The following GDPD1 variants were observed in gnomAD, a reference collection of about 807,000 sequenced individuals.
The protein encoded by GDPD1 is lysophospholipase D GDPD1.
In GDPD1, 28 loss-of-function variants were observed where a neutral mutation model predicts 45.1. The ratio of observed to expected loss-of-function variants is 0.62; its 90% CI spans 0.46 to 0.85. The LOEUF is 0.85. GDPD1 is among the 40% of genes least tolerant of loss of function. GDPD1 has a pLI of 0.00. For missense variants in GDPD1, 256 were observed against 364.8 expected (o/e 0.70, Z 2.43); for synonymous variants, 139 against 131.4 (o/e 1.06, Z -0.40).
intron 2 of GDPD1, among the ~76,000 whole-genome samples, chr17:59,244,617 G>A (rs1272781413): frequency 2.0e-5 from 3 of 152,136 alleles, no homozygotes; most frequent in Non-Finnish European, 4.4e-5. Context: ...ACAGGTGTGA[G>A]CTACCGTGCC....
At chr17:59,248,829 A>G in intron 4 of GDPD1, 44 bp downstream of exon 4, 1 of 1,387,602 alleles carries the variant, frequency 7.2e-7, no homozygotes, top group Non-Finnish European at 1.0e-6. Flanking sequence ...GTTGAGAAGC[A>G]TATGTGTGTT....
intron 1 of GDPD1, among the ~76,000 whole-genome samples, chr17:59,221,698 T>C (rs1485718529): frequency 1.3e-5 from 2 of 152,186 alleles, no homozygotes; most frequent in Admixed American, 1.3e-4. Context: ...CTATGATGTA[T>C]AAAGTGCGGT....
intron 4 of GDPD1, among the ~76,000 whole-genome samples, chr17:59,252,754 C>G (rs555000263): frequency 6.7e-6 from 1 of 150,124 alleles, no homozygotes; most frequent in Admixed American, 6.7e-5. Flanking sequence ...AATCCTTACA[C>G]TTTGGGAGGT....
In GDPD1 at chr17:59,257,765, G is replaced by A; in HGVS notation, c.501G>A (p.Val167=). The change falls in exon 6 of 10, where the codon GTG becomes GTA. Residue 167 remains valine (V), a synonymous_variant. Coordinates refer to ENST00000284116, the MANE Select transcript of GDPD1 (RefSeq NM_182569.4). ...TTCACACGTAGGTTTCAGAGTTGGT[G>A]AAGCGGTATAATCGAGAACACTTAA... The part of the protein sequence containing the change: ...NVLIKKVSEL[V]KRYNREHLTV... 1 of 1,603,388 alleles carries A rather than the reference G, an allele frequency of 6.2e-7. No homozygotes were observed. Among genetic ancestry groups the A allele is most frequent in the Non-Finnish European group, 8.5e-7 (1 of 1,176,218 alleles).
chr17:59,220,761 G>A lies in GDPD1; in HGVS notation c.142+10G>A, dbSNP rs1309075084. 1 of 1,611,792 alleles carries A rather than the reference G, an allele frequency of 6.2e-7. No homozygotes were observed. Among genetic ancestry groups the A allele is most frequent in the South Asian group, 1.1e-5 (1 of 90,932 alleles). ...ATCTCTCACCGCGGAGGTGAGAGGG[G>A]TCCCCAGAACCCGATGACGGAGGTG... On this transcript the variant is annotated intron_variant, in intron 1 of 9. Transcript: ENST00000284116.
At chr17:59,271,633 ATTTT>A (rs2047445130) in intron 8 of GDPD1, among the ~76,000 whole-genome samples, 1 of 123,446 alleles carries the variant, frequency 8.1e-6, no homozygotes, top group Non-Finnish European at 1.7e-5. Context: ...ATTTTATTTT[ATTTT>A]ATTTATTTAT....
chr17:59,274,307 G>A lies in GDPD1; in HGVS notation c.*534G>A, dbSNP rs1223608984. ...ACAGGCGGATCATCTGAAGTCAGGA[G>A]TTAAAGACCAGCCTGGCCAACATGG... is the stretch of plus-strand genomic sequence containing the variant. On this transcript the variant is annotated 3_prime_UTR_variant, in exon 10 of 10. Transcript: ENST00000284116. 1 of 208,678 alleles carries A rather than the reference G, an allele frequency of 4.8e-6. No homozygotes were observed. Among genetic ancestry groups the A allele is most frequent in the Non-Finnish European group, 8.3e-6 (1 of 120,046 alleles). 12.9% of individuals were successfully genotyped at this position (208,678 alleles called of 1,614,324 possible).
chr17:59,220,516 G>C lies in GDPD1; in HGVS notation c.-94G>C. On this transcript the variant is annotated 5_prime_UTR_variant, in exon 1 of 10. Coordinates refer to ENST00000284116, the MANE Select transcript of GDPD1 (RefSeq NM_182569.4). ...CAGTGGCACCGGCTGGGGGCGAGCCGACCTCGAGCAGCCGCCGCCGCCGCC... is the reference window on the plus strand; with the variant it reads ...CAGTGGCACCGGCTGGGGGCGAGCCCACCTCGAGCAGCCGCCGCCGCCGCC... The C allele has an allele frequency of 7.1e-7, 1 of 1,401,952 alleles. No homozygotes were observed. The highest frequency in any genetic ancestry group is 9.8e-7 in the Non-Finnish European group (1 of 1,019,082). The allele number at this position is 1,401,952 out of a possible 1,614,324, so 86.8% of individuals were successfully genotyped here.
chr17:59,239,201 A>G (rs1054905001), intron 2 of GDPD1, among the ~76,000 whole-genome samples: 4 of 152,238 alleles, frequency 2.6e-5, no homozygotes, highest in African/African-American at 4.8e-5. Flanking sequence ...ATGACTATCT[A>G]TGAAATGGGA....
chr17:59,248,720 T>C lies in GDPD1; in HGVS notation c.322-20T>C. The C allele has an allele frequency of 6.4e-7, 1 of 1,559,350 alleles. No individual in the cohort carries two copies. The highest frequency in any genetic ancestry group is 8.7e-7 in the Non-Finnish European group (1 of 1,145,248). ...TATTTTTTGAGAGTTAACTTTTTTT[T>C]CAATCATATCTTTTTAAAGGAGCTC... On this transcript the variant is annotated intron_variant, in intron 3 of 9. Coordinates refer to ENST00000284116, the MANE Select transcript of GDPD1 (RefSeq NM_182569.4).
intron 2 of GDPD1, among the ~76,000 whole-genome samples, chr17:59,240,315 A>T (rs1458726356): frequency 6.6e-6 from 1 of 151,618 alleles, no homozygotes; most frequent in African/African-American, 2.4e-5. Context: ...GAAGTTTAAA[A>T]ATGTTAAATA....
At chr17:59,255,829 G>GCGTATATATATATATATATATACACA (rs1568346854) in intron 4 of GDPD1, among the ~76,000 whole-genome samples, 1 of 50,882 alleles carries the variant, frequency 2.0e-5, no homozygotes, top group East Asian at 4.4e-4. Flanking sequence ...ATATATATAC[G>GCGTATATATATATATATATATACACA]CGTATATATA....
At position 59,229,321 on chromosome 17, in the gene GDPD1, T is replaced by G. The variant is rs938379929; in HGVS notation, c.143-5171T>G. On this transcript the variant is annotated intron_variant, in intron 1 of 9. Coordinates refer to ENST00000284116, the MANE Select transcript of GDPD1 (RefSeq NM_182569.4). ...ATGCCCGTCACCATGCCTGGCTAAA[T>G]TTTTTTTTTTTTTTGACACAGAAGT... Among the ~76,000 whole-genome samples the G allele has an allele frequency of 6.6e-4, 30 of 45,612 alleles. No homozygotes were observed. In the African/African-American group the frequency reaches 6.8e-3, roughly 10 times the overall value. 29.9% of individuals were successfully genotyped at this position (45,612 alleles called of 152,430 possible). A position where few individuals can be genotyped will look rare whatever the true frequency, so the allele number is the denominator to read the frequency against.
rs2046994668 is a variant in GDPD1, at chr17:59,220,561, C to T, written c.-49C>T. On this transcript the variant is annotated 5_prime_UTR_variant, in exon 1 of 10. Coordinates refer to ENST00000284116, the MANE Select transcript of GDPD1 (RefSeq NM_182569.4). ...GCCGCCGTCGTTGCTACTGCCGCAG[C>T]GGAGTTCAGAGGGCCCGGAGGTGGG... The T allele has an allele frequency of 6.3e-7, 1 of 1,586,950 alleles. No individual in the cohort carries two copies. The highest frequency in any genetic ancestry group is 1.1e-5 in the South Asian group (1 of 88,454).
chr17:59,226,995 T>C (rs1356197467), intron 1 of GDPD1, among the ~76,000 whole-genome samples: 1 of 152,080 alleles, frequency 6.6e-6, no homozygotes, highest in African/African-American at 2.4e-5. Flanking sequence ...CAGTACCTTT[T>C]TATTGAGAGT....
intron 7 of GDPD1, among the ~76,000 whole-genome samples, chr17:59,269,524 C>A (rs1286386245): frequency 7.1e-6 from 1 of 141,194 alleles, no homozygotes; most frequent in Admixed American, 7.1e-5. Flanking sequence ...TTAAAATGAT[C>A]CCTAAACATT....
intron 7 of GDPD1, among the ~76,000 whole-genome samples, chr17:59,270,560 G>A (rs1419305746): frequency 6.6e-6 from 1 of 151,994 alleles, no homozygotes; most frequent in Admixed American, 6.6e-5. Flanking sequence ...CTATAATACA[G>A]TTCCGTTGTA....
chr17:59,254,375 A>AG (rs11382363), intron 4 of GDPD1, among the ~76,000 whole-genome samples: 40,361 of 148,090 alleles, frequency 0.27, 6,407 homozygotes, highest in African/African-American at 0.42. Flanking sequence ...AAAAAAAAAA[A>AG]AAAAGAAAAG....
intron 7 of GDPD1, 74 bp from the exon 8 acceptor site, chr17:59,270,862 G>T (rs2047438937): frequency 3.2e-6 from 3 of 936,318 alleles, no homozygotes; most frequent in Admixed American, 4.7e-5. Context: ...TTTCATTTTT[G>T]AATTTGTTTC....
Sources: allele counts gnomAD v4.1 joint callset (sites outside exome capture counted in the v4.1 genomes callset), GRCh38; gene constraint gnomAD v4.1.1; transcripts MANE v1.5; gene names NCBI Gene and HGNC (gene_info 2026-07-23, HGNC 2026-07-21).